The following NCR1 variants were observed in gnomAD, a reference collection of about 807,000 sequenced individuals.
NCR1 encodes the protein NK cell-activating receptor.
Under a neutral mutation model 32.5 loss-of-function variants are expected in NCR1, and 30 were observed. That is an observed-to-expected ratio of 0.92 (90% confidence interval 0.69 to 1.25). The LOEUF (loss-of-function observed/expected upper bound fraction) is 1.25. Among genes scored for constraint, NCR1 ranks in the 50% most tolerant of loss-of-function variants. The pLI is 0.00. For synonymous variants in NCR1, 169 were observed against 143.4 expected, an observed-to-expected ratio of 1.18 and a Z score of -1.28; for missense variants, 369 against 380.7, an observed-to-expected ratio of 0.97 and a Z score of 0.26.
the NCR1 span, chr19:54,923,560 C>T: frequency 9.9e-6 from 7 of 710,176 alleles, no homozygotes; most frequent in South Asian, 9.5e-5. Flanking sequence ...TACATAGCGT[C>T]ATGTGAAGGG....
chr19:54,933,723 G>A, the NCR1 span: 1 of 1,614,136 alleles, frequency 6.2e-7, no homozygotes, highest in South Asian at 1.1e-5. Context: ...GCTTCTGTAA[G>A]ACGACAGTTT....
At chr19:54,930,587 G>T in the NCR1 span, 1 of 1,612,176 alleles carries the variant, frequency 6.2e-7, no homozygotes, top group Non-Finnish European at 8.5e-7. Context: ...CTCAAGTCCA[G>T]GTTTGTGAGG....
chr19:54,926,811 G>A, the NCR1 span, among the ~76,000 whole-genome samples: 1 of 151,736 alleles, frequency 6.6e-6, no homozygotes. Context: ...AGCTACTCAG[G>A]AGGCTGAGGC....
chr19:54,911,825 C>G (rs1387764519), intron 5 of NCR1, among the ~76,000 whole-genome samples: 1 of 151,562 alleles, frequency 6.6e-6, no homozygotes, highest in East Asian at 1.9e-4. Context: ...AACCCCGTTT[C>G]TACTAAAAAT....
chr19:54,902,238 C>T (rs1376194729), upstream of NCR1, among the ~76,000 whole-genome samples: 3 of 151,826 alleles, frequency 2.0e-5, no homozygotes, highest in African/African-American at 7.3e-5. Context: ...GGGAGAGAGG[C>T]TGAATGATGA....
upstream of NCR1, among the ~76,000 whole-genome samples, chr19:54,902,425 C>A (rs1385623827): frequency 6.6e-6 from 1 of 151,816 alleles, no homozygotes; most frequent in Admixed American, 6.6e-5. Flanking sequence ...CTCAGCCTCC[C>A]AAGTAGCTGG....
downstream of NCR1, among the ~76,000 whole-genome samples, chr19:54,914,159 T>C (rs1329496522): frequency 9.7e-5 from 14 of 144,214 alleles, no homozygotes; most frequent in Non-Finnish European, 3.0e-5. Context: ...TTCCATCTTC[T>C]CTTCCTTTTT....
intron 3 of NCR1, among the ~76,000 whole-genome samples, chr19:54,907,019 C>G (rs2067666663): frequency 6.6e-6 from 1 of 152,132 alleles, no homozygotes. Context: ...CAGTCAGTTT[C>G]TCCATGACAC....
At chr19:54,921,049 A>AG (rs1293376404), downstream of NCR1, among the ~76,000 whole-genome samples, 1 of 152,226 alleles carries the variant, frequency 6.6e-6, no homozygotes, top group Non-Finnish European at 1.5e-5. Context: ...TAAAATATTT[A>AG]GGGGAAAAAA....
At chr19:54,912,306 G>C in intron 6 of NCR1, 88 bp downstream of exon 6, 1 of 1,360,132 alleles carries the variant, frequency 7.4e-7, no homozygotes, top group Non-Finnish European at 1.0e-6. Flanking sequence ...GGAACAAGAG[G>C]GTGTCCTTGG....
chr19:54,936,819 G>T, the NCR1 span, among the ~76,000 whole-genome samples: 1 of 152,152 alleles, frequency 6.6e-6, no homozygotes, highest in Admixed American at 6.6e-5. Flanking sequence ...GGAGGCTGAG[G>T]TAGGAGAATC....
upstream of NCR1, among the ~76,000 whole-genome samples, chr19:54,904,155 AAAAAG>A (rs971362603): frequency 6.2e-3 from 934 of 150,026 alleles, 6 homozygotes; most frequent in Non-Finnish European, 8.8e-3. Context: ...AAAGAAAAAG[AAAAAG>A]AAAAGAAATG....
chr19:54,904,174 C>A (rs982507493), upstream of NCR1, among the ~76,000 whole-genome samples: 1 of 149,286 alleles, frequency 6.7e-6, no homozygotes, highest in Admixed American at 6.7e-5. Flanking sequence ...AGAAATGTTT[C>A]TTTTCTTATT....
rs1452973956 is a variant in NCR1 at position 54,906,335 on chromosome 19, G to C, written c.70+1G>C. ...AGTCAGAGGATCAGCGCCCAGCAGC[G>C]TGAGTCCTTCCTTCAAAGCCCAGGG... On this transcript the variant is annotated splice_donor_variant, in intron 2 of 6. Transcript: ENST00000291890. LOFTEE classifies it high-confidence loss of function. 3.1e-6 allele frequency: 5 copies of C among 1,613,518 alleles called. No individual in the cohort carries two copies. The highest frequency in any genetic ancestry group is 4.2e-6 in the Non-Finnish European group (5 of 1,180,032).
the NCR1 span, among the ~76,000 whole-genome samples, chr19:54,922,802 A>AC: frequency 1.4e-5 from 2 of 145,110 alleles, no homozygotes; most frequent in African/African-American, 5.2e-5. Context: ...AAAAAAAAAA[A>AC]CGAAAGAACA....
chr19:54,912,917 G>A lies in NCR1; in HGVS notation c.*46G>A, dbSNP rs767463348. 8 of 1,587,270 alleles carry A rather than the reference G, an allele frequency of 5.0e-6. No homozygotes were observed. The East Asian group carries it at 9.0e-5, about 18-fold the overall frequency. The stretch of plus-strand genomic sequence containing the variant: ...TGGCCATGGGTGGATCTGAAAGCTG[G>A]TGTTGAGCCTGGGCGGCGTGAGCTC... On this transcript the variant is annotated 3_prime_UTR_variant, in exon 7 of 7. Coordinates refer to ENST00000291890, the MANE Select transcript of NCR1 (RefSeq NM_004829.7).
chr19:54,911,703 T>A (rs587617068), intron 5 of NCR1, among the ~76,000 whole-genome samples: 22 of 151,824 alleles, frequency 1.4e-4, no homozygotes, highest in African/African-American at 4.8e-4. Context: ...TGAGCTGAGA[T>A]CACACCACTG....
At chr19:54,937,953 T>A in the NCR1 span, 1 of 942,502 alleles carries the variant, frequency 1.1e-6, no homozygotes, top group South Asian at 1.3e-5. Context: ...TACATGGAGA[T>A]GAAACAGCAC....
chr19:54,910,145 T>C lies in NCR1; in HGVS notation c.682+80T>C. The stretch of plus-strand genomic sequence containing the variant: ...CTAAAAACGTGGCATTCATTCAAAA[T>C]ATTCATCGAGGCCAGGCGTGGTGGC... On this transcript the variant is annotated intron_variant, in intron 5 of 6. Transcript: ENST00000291890. The C allele has an allele frequency of 2.1e-6, 3 of 1,431,572 alleles. No homozygotes were observed. The East Asian group carries it at 6.9e-5, about 33-fold the overall frequency. 88.7% of individuals were successfully genotyped at this position (1,431,572 alleles called of 1,614,324 possible). A position where few individuals can be genotyped will look rare whatever the true frequency, so the allele number is the denominator to read the frequency against.
Sources: gnomAD v4.1 joint callset for allele counts (sites outside exome capture counted in the v4.1 genomes callset) on GRCh38, gnomAD v4.1.1 for gene constraint, MANE v1.5 for transcripts, NCBI Gene and HGNC (gene_info 2026-07-23, HGNC 2026-07-21) for gene names.